The following KICS2 variants were observed in gnomAD, a reference collection of about 807,000 sequenced individuals.
KICS2 encodes the protein KICSTOR complex protein C12orf66.
A neutral mutation model predicts 31.4 loss-of-function variants in KICS2; 13 were observed. The observed-to-expected ratio is 0.41, with a 90% confidence interval of 0.27 to 0.66. The LOEUF (loss-of-function observed/expected upper bound fraction) is 0.66. Ranked by LOEUF, KICS2 falls within the 30% of genes least tolerant of loss-of-function variation. The pLI, the probability that KICS2 is intolerant of heterozygous loss-of-function variation, is 0.28. For missense variants in KICS2, 455 were observed against 545.4 expected, an observed-to-expected ratio of 0.83 and a Z score of 1.65; for synonymous variants, 209 against 214.8, an observed-to-expected ratio of 0.97 and a Z score of 0.24.
chr12:64,189,505 A>C (rs942952325), downstream of KICS2, among the ~76,000 whole-genome samples: 3 of 152,376 alleles, frequency 2.0e-5, no homozygotes, highest in African/African-American at 7.2e-5. Flanking sequence ...GGATACTGTC[A>C]TCAAAATCCT....
In KICS2 at chr12:64,194,421, G is replaced by A. The variant is rs1479973526; in HGVS notation, c.759C>T (p.His253=). ...GQSQKAVQPP[H]LFLWLMKLKN... Reference sequence around the variant, plus strand: ...TGAGTTTCATCAGCCAAAGGAAAAGGTGTGGAGGCTGCACGGCCTTCTGAG... The same window carrying A: ...TGAGTTTCATCAGCCAAAGGAAAAGATGTGGAGGCTGCACGGCCTTCTGAG... The change falls in exon 3 of 3, where the codon CAC becomes CAT. Residue 253 remains histidine, a synonymous_variant. Transcript: ENST00000398055. 1.2e-6 allele frequency: 2 copies of A among 1,614,094 alleles called. No homozygotes were observed. Among genetic ancestry groups the A allele is most frequent in the African/African-American group, 2.7e-5 (2 of 74,922 alleles).
downstream of KICS2, among the ~76,000 whole-genome samples, chr12:64,188,142 A>T (rs2136682139): frequency 6.6e-6 from 1 of 152,380 alleles, no homozygotes; most frequent in Middle Eastern, 3.4e-3. Flanking sequence ...ACTGGGTCAG[A>T]GACTACTGGT....
At chr12:64,195,754 C>T (rs563310152) in intron 2 of KICS2, among the ~76,000 whole-genome samples, 12 of 152,316 alleles carry the variant, frequency 7.9e-5, no homozygotes, top group East Asian at 1.9e-4. Flanking sequence ...GCACCGTGCG[C>T]GAGCCGAAGC....
At chr12:64,201,619 G>GAAAAAAAAAAAAAAAAAAAA (rs142477212) in intron 2 of KICS2, among the ~76,000 whole-genome samples, 1 of 117,622 alleles carries the variant, frequency 8.5e-6, no homozygotes, top group East Asian at 2.4e-4. Context: ...AAAAAAAAAA[G>GAAAAAAAAAAAAAAAAAAAA]AAAAAAAAAA....
intron 2 of KICS2, among the ~76,000 whole-genome samples, chr12:64,210,821 CAATT>C (rs1390768139): frequency 2.6e-5 from 4 of 151,988 alleles, no homozygotes; most frequent in Admixed American, 1.3e-4. Flanking sequence ...AAAATGAAAA[CAATT>C]AATACTAATC....
At chr12:64,205,742 A>AAGGG in intron 2 of KICS2, among the ~76,000 whole-genome samples, 1 of 140,448 alleles carries the variant, frequency 7.1e-6, no homozygotes, top group African/African-American at 2.6e-5. Flanking sequence ...AAAGGGAAGG[A>AAGGG]AGGGAGGGAG....
chr12:64,218,764 C>T (rs1214241875), intron 1 of KICS2, among the ~76,000 whole-genome samples: 2 of 150,198 alleles, frequency 1.3e-5, no homozygotes, highest in African/African-American at 2.4e-5. Context: ...GGAACGGAAA[C>T]ACTACATAAA....
At chr12:64,216,012 T>C (rs777344394) in intron 1 of KICS2, 49 bp from the exon 2 acceptor site, 18 of 1,512,128 alleles carry the variant, frequency 1.2e-5, no homozygotes, top group Non-Finnish European at 1.5e-5. Flanking sequence ...GGAGAAACCG[T>C]AAGTACCAAA....
intron 1 of KICS2, among the ~76,000 whole-genome samples, chr12:64,219,310 C>G (rs2037657207): frequency 6.6e-6 from 1 of 152,092 alleles, no homozygotes; most frequent in Non-Finnish European, 1.5e-5. Flanking sequence ...AAAGTATGAC[C>G]TTCTAAAATT....
At chr12:64,196,948 T>C (rs1365043923) in intron 2 of KICS2, among the ~76,000 whole-genome samples, 1 of 144,660 alleles carries the variant, frequency 6.9e-6, no homozygotes, top group African/African-American at 2.6e-5. Context: ...TATGGGACTA[T>C]GTGAAAAGAC....
rs1287023761 is a variant in KICS2, at chr12:64,222,094, C to A, written c.144G>T (p.Gly48=). The part of the protein sequence containing the change: ...EKEREANKSA[G]GSWLSLLAAL... ...CCGCCAGCAGCGACAGCCAGCTGCCCCCCGCGCTCTTGTTGGCCTCTCGTT... is the reference window on the plus strand; with the variant it reads ...CCGCCAGCAGCGACAGCCAGCTGCCACCCGCGCTCTTGTTGGCCTCTCGTT... Residue 48 remains glycine (G), a synonymous_variant, in exon 1 of 3, where the codon GGG becomes GGT. Transcript: ENST00000398055. 3 of 1,613,860 alleles carry A rather than the reference C, an allele frequency of 1.9e-6. No individual in the cohort carries two copies. In the African/African-American group the frequency reaches 4.0e-5, roughly 22 times the overall value.
chr12:64,194,657 A>T lies in KICS2; in HGVS notation c.523T>A (p.Phe175Ile), dbSNP rs1433090797. 6.2e-7 allele frequency: 1 copy of T among 1,605,172 alleles called. No homozygotes were observed. The highest frequency in any genetic ancestry group is 2.2e-5 in the East Asian group (1 of 44,648). Reference sequence around the variant, plus strand: ...AAAGGACTGAGGATTGGGTGGTGAAATCTAAAGGGGAGAGGGAAATAGAGA... The same window carrying T: ...AAAGGACTGAGGATTGGGTGGTGAATTCTAAAGGGGAGAGGGAAATAGAGA... ...DAIMKKYSSR[F>I]HHPILSPLES... The change falls in exon 3 of 3, where the codon TTT becomes ATT. Residue 175 changes from phenylalanine to isoleucine, a missense_variant and splice_region_variant. By Grantham distance (21) the Phe-to-Ile change is conservative. Coordinates refer to ENST00000398055, the MANE Select transcript of KICS2 (RefSeq NM_152440.5).
intron 2 of KICS2, among the ~76,000 whole-genome samples, chr12:64,205,248 G>T (rs990811585): frequency 3.9e-5 from 6 of 152,140 alleles, no homozygotes; most frequent in Non-Finnish European, 8.8e-5. Context: ...CCTTCAGAAA[G>T]AACTCCGAAC....
At chr12:64,207,952 G>C (rs2037554285) in intron 2 of KICS2, among the ~76,000 whole-genome samples, 2 of 152,116 alleles carry the variant, frequency 1.3e-5, no homozygotes, top group Admixed American at 6.5e-5. Context: ...TTAGACTATG[G>C]GGCTGTTTTT....
chr12:64,206,548 CT>C (rs1441666558), intron 2 of KICS2, among the ~76,000 whole-genome samples: 3 of 152,120 alleles, frequency 2.0e-5, no homozygotes, highest in African/African-American at 7.2e-5. Flanking sequence ...GGAACAATTC[CT>C]TTTGGTCAAA....
At chr12:64,201,654 C>G (rs2037491200) in intron 2 of KICS2, among the ~76,000 whole-genome samples, 1 of 146,904 alleles carries the variant, frequency 6.8e-6, no homozygotes, top group Non-Finnish European at 1.5e-5. Context: ...GCCAGCCTGG[C>G]CAACATGGTG....
Position 64,192,973 on chromosome 12 carries a change from G to C in KICS2, c.*869C>G, listed in dbSNP as rs1457713528. On this transcript the variant is annotated 3_prime_UTR_variant, in exon 3 of 3. Transcript: ENST00000398055. ...TATGTTGCATGAGTATCTAAAAGTG[G>C]CTGAAAAACCGACTGCATGCTTTTA... is the stretch of plus-strand genomic sequence containing the variant. 1.0e-6 allele frequency: 1 copy of C among 985,262 alleles called. No homozygotes were observed. The highest frequency in any genetic ancestry group is 1.7e-5 in the African/African-American group (1 of 57,228). 61.0% of individuals were successfully genotyped at this position (985,262 alleles called of 1,614,324 possible).
intron 2 of KICS2, among the ~76,000 whole-genome samples, chr12:64,197,803 A>T (rs1419800317): frequency 1.3e-5 from 2 of 148,602 alleles, no homozygotes; most frequent in African/African-American, 5.1e-5. Context: ...TTGCAATCCT[A>T]GTCTCTGATA....
rs765477992 is a variant in KICS2, at chr12:64,193,972, G to T, written c.1208C>A (p.Thr403Asn). ...YFLTRPEPHF[T>N]IVIIFESKKS... ...CTTTGACTCAAAAATGATGACAATGGTAAAGTGAGGTTCCGGGCGGGTTAG... is the reference window on the plus strand; with the variant it reads ...CTTTGACTCAAAAATGATGACAATGTTAAAGTGAGGTTCCGGGCGGGTTAG... Residue 403 changes from threonine to asparagine, a missense_variant, in exon 3 of 3, where the codon ACC (threonine) becomes AAC (asparagine). Physicochemically the swap from Thr to Asn is moderately conservative, Grantham distance 65. Coordinates refer to ENST00000398055, the MANE Select transcript of KICS2 (RefSeq NM_152440.5). 4 of 1,614,166 alleles carry T rather than the reference G, an allele frequency of 2.5e-6. No individual in the cohort carries two copies. The South Asian group carries it at 4.4e-5, about 18-fold the overall frequency.
Sources: gnomAD v4.1 joint callset for allele counts (sites outside exome capture counted in the v4.1 genomes callset) on GRCh38, gnomAD v4.1.1 for gene constraint, MANE v1.5 for transcripts, NCBI Gene and HGNC (gene_info 2026-07-23, HGNC 2026-07-21) for gene names.